The following SLCO1B1 variants were observed in gnomAD, a reference collection of about 807,000 sequenced individuals.
The protein encoded by SLCO1B1 is OATP-2.
SLCO1B1 carries 81 observed loss-of-function variants against 70.1 expected under a neutral mutation model. The ratio of observed to expected loss-of-function variants is 1.16; its 90% CI spans 0.97 to 1.39. The LOEUF (loss-of-function observed/expected upper bound fraction) is 1.39, where lower values mean the gene tolerates loss of function less well. Ranked by LOEUF, SLCO1B1 falls within the 40% of genes most tolerant of loss-of-function variation. The pLI, the probability that SLCO1B1 is intolerant of heterozygous loss-of-function variation, is 0.00. For missense variants in SLCO1B1, 895 were observed against 799.6 expected (o/e 1.12, Z -1.44); for synonymous variants, 283 against 271.5 (o/e 1.04, Z -0.42).
intron 12 of SLCO1B1, among the ~76,000 whole-genome samples, chr12:21,220,051 G>C (rs989282392): frequency 6.6e-6 from 1 of 152,190 alleles, no homozygotes; most frequent in Non-Finnish European, 1.5e-5. Context: ...CTGAGCCACA[G>C]CACCTGGCCT....
chr12:21,206,817 A>G (rs967402465), intron 11 of SLCO1B1, among the ~76,000 whole-genome samples: 3 of 151,870 alleles, frequency 2.0e-5, no homozygotes, highest in Admixed American at 6.6e-5. Flanking sequence ...AGGAACTTTT[A>G]CTATTACCAA....
At chr12:21,153,529 G>A (rs1308225691) in intron 2 of SLCO1B1, among the ~76,000 whole-genome samples, 2 of 151,962 alleles carry the variant, frequency 1.3e-5, no homozygotes, top group Non-Finnish European at 2.9e-5. Context: ...TCTCCCTGAT[G>A]TACTTAATAA....
At chr12:21,171,929 G>T (rs1940759849) in intron 2 of SLCO1B1, among the ~76,000 whole-genome samples, 1 of 151,988 alleles carries the variant, frequency 6.6e-6, no homozygotes, top group South Asian at 2.1e-4. Context: ...CCATTCTCAT[G>T]ACCTAATTTC....
chr12:21,157,499 A>G (rs1940557091), intron 2 of SLCO1B1, among the ~76,000 whole-genome samples: 1 of 152,190 alleles, frequency 6.6e-6, no homozygotes, highest in Admixed American at 6.5e-5. Context: ...AAAATGATAT[A>G]CACAGCATTC....
intron 14 of SLCO1B1, among the ~76,000 whole-genome samples, chr12:21,230,860 ATG>A (rs1941528355): frequency 6.6e-6 from 1 of 152,006 alleles, no homozygotes; most frequent in South Asian, 2.1e-4. Context: ...TCTAGGGTAC[ATG>A]TGCACAATGT....
intron 7 of SLCO1B1, among the ~76,000 whole-genome samples, chr12:21,181,374 A>T (rs919792207): frequency 6.6e-6 from 1 of 152,208 alleles, no homozygotes; most frequent in Non-Finnish European, 1.5e-5. Context: ...GTCACAGGTG[A>T]TGAATAAATA....
chr12:21,239,297 C>A lies in SLCO1B1; in HGVS notation c.*108C>A, dbSNP rs1170523484. 4 of 822,108 alleles carry A rather than the reference C, an allele frequency of 4.9e-6. No individual in the cohort carries two copies. The highest frequency in any genetic ancestry group is 8.5e-6 in the Non-Finnish European group (4 of 469,652). The allele number at this position is 822,108 out of a possible 1,614,324, so 50.9% of individuals were successfully genotyped here. A position where few individuals can be genotyped will look rare whatever the true frequency, so the allele number is the denominator to read the frequency against. On this transcript the variant is annotated 3_prime_UTR_variant, in exon 15 of 15. Transcript: ENST00000256958. ...CTGGTCCTTTCACTAAGAATTTCCA[C>A]ATCTTTTATGGTGGAAGTATAAATA...
intron 12 of SLCO1B1, 79 bp from the exon 13 acceptor site, chr12:21,222,221 A>G: frequency 1.6e-6 from 1 of 628,602 alleles, no homozygotes. Flanking sequence ...GAGAAAAACA[A>G]CACAGGAGAA....
At chr12:21,165,266 CATTTAT>C (rs1940670438) in intron 2 of SLCO1B1, among the ~76,000 whole-genome samples, 1 of 152,062 alleles carries the variant, frequency 6.6e-6, no homozygotes, top group African/African-American at 2.4e-5. Context: ...TGATTGTGCA[CATTTAT>C]ATCTCTGGTT....
chr12:21,179,081 A>AT, intron 7 of SLCO1B1, 61 bp downstream of exon 7: 2 of 1,003,382 alleles, frequency 2.0e-6, no homozygotes, highest in Non-Finnish European at 3.2e-6. Context: ...TGCGAAAAAC[A>AT]TTTTTTCAAA....
intron 10 of SLCO1B1, 67 bp from the exon 11 acceptor site, chr12:21,205,801 T>C: frequency 1.7e-6 from 2 of 1,182,412 alleles, no homozygotes; most frequent in Non-Finnish European, 2.5e-6. Flanking sequence ...TTCTTCCTTC[T>C]CCTCCCCTTC....
intron 13 of SLCO1B1, among the ~76,000 whole-genome samples, chr12:21,224,391 A>G (rs1054260910): frequency 6.6e-6 from 1 of 152,160 alleles, no homozygotes; most frequent in Non-Finnish European, 1.5e-5. Flanking sequence ...AAAATCCCAT[A>G]TTAACCAACA....
chr12:21,214,733 C>T (rs1268658446), intron 11 of SLCO1B1, among the ~76,000 whole-genome samples: 2 of 152,196 alleles, frequency 1.3e-5, no homozygotes, highest in Non-Finnish European at 2.9e-5. Context: ...GGCGTAGGAC[C>T]CTCCAAGACA....
At chr12:21,204,248 A>G (rs1941188333) in intron 10 of SLCO1B1, among the ~76,000 whole-genome samples, 1 of 151,910 alleles carries the variant, frequency 6.6e-6, no homozygotes, top group South Asian at 2.1e-4. Flanking sequence ...TATTTTTATA[A>G]TAATACTAAG....
chr12:21,161,588 A>G (rs1245852364), intron 2 of SLCO1B1, among the ~76,000 whole-genome samples: 1 of 152,190 alleles, frequency 6.6e-6, no homozygotes, highest in East Asian at 1.9e-4. Flanking sequence ...TACCTGAGTG[A>G]TGAAATAATC....
At chr12:21,136,148 G>C (rs1027580726) in intron 1 of SLCO1B1, among the ~76,000 whole-genome samples, 6 of 152,172 alleles carry the variant, frequency 3.9e-5, no homozygotes, top group African/African-American at 1.4e-4. Flanking sequence ...TAAGAATGTT[G>C]AATATTGGTC....
At chr12:21,207,526 T>C (rs1345954295) in intron 11 of SLCO1B1, among the ~76,000 whole-genome samples, 1 of 152,056 alleles carries the variant, frequency 6.6e-6, no homozygotes. Context: ...CATTTCTTTA[T>C]CTAATTCACT....
intron 7 of SLCO1B1, among the ~76,000 whole-genome samples, chr12:21,184,564 T>C (rs978541748): frequency 6.6e-6 from 1 of 152,100 alleles, no homozygotes; most frequent in Admixed American, 6.6e-5. Flanking sequence ...CAAGCAAACA[T>C]TGAGGAAATT....
intron 1 of SLCO1B1, among the ~76,000 whole-genome samples, chr12:21,136,631 G>A (rs536091202): frequency 2.0e-5 from 3 of 152,238 alleles, no homozygotes; most frequent in African/African-American, 7.2e-5. Flanking sequence ...ATCAGCTACT[G>A]AGGCTTCTGC....
Sources: gnomAD v4.1 joint callset for allele counts (sites outside exome capture counted in the v4.1 genomes callset) on GRCh38, gnomAD v4.1.1 for gene constraint, MANE v1.5 for transcripts, NCBI Gene and HGNC (gene_info 2026-07-23, HGNC 2026-07-21) for gene names.